Variants in PCDHGA1 observed in about 807,000 individuals in gnomAD.
PCDHGA1 encodes protocadherin gamma-A1.
PCDHGA1 carries 32 observed loss-of-function variants against 58.0 expected under a neutral mutation model. The ratio of observed to expected loss-of-function variants is 0.55; its 90% confidence interval spans 0.42 to 0.74. The LOEUF (loss-of-function observed/expected upper bound fraction) is 0.74, where lower values mean the gene tolerates loss of function less well. Among genes scored for constraint, PCDHGA1 ranks in the 30% least tolerant of loss-of-function variants. The pLI, the probability that PCDHGA1 is intolerant of heterozygous loss-of-function variation, is 0.00. For synonymous variants in PCDHGA1, 498 were observed against 501.1 expected (o/e 0.99, Z 0.08); for missense variants, 1,205 against 1,182.3 (o/e 1.02, Z -0.28).
intron 1 of PCDHGA1, chr5:141,422,081 T>C: frequency 2.5e-6 from 4 of 1,612,346 alleles, no homozygotes; most frequent in Non-Finnish European, 3.4e-6. Context: ...TTTCGGAACA[T>C]GGAAAGCAAG....
chr5:141,352,452 C>G, intron 1 of PCDHGA1: 1 of 1,614,056 alleles, frequency 6.2e-7, no homozygotes, highest in Non-Finnish European at 8.5e-7. Context: ...TGCTCCAAGT[C>G]TGGGCCCGGG....
At chr5:141,333,378 G>A in intron 1 of PCDHGA1, 1 of 545,016 alleles carries the variant, frequency 1.8e-6, no homozygotes. Flanking sequence ...AAAGAGCACT[G>A]CATTAGAAAC....
intron 1 of PCDHGA1, chr5:141,393,488 A>G: frequency 1.9e-6 from 3 of 1,614,066 alleles, no homozygotes; most frequent in Non-Finnish European, 2.5e-6. Context: ...GCTCTAGCAC[A>G]GTGCGCATCC....
At chr5:141,360,120 C>T in intron 1 of PCDHGA1, 1 of 1,578,378 alleles carries the variant, frequency 6.3e-7, no homozygotes, top group Non-Finnish European at 8.6e-7. Context: ...GGCAAAGGAG[C>T]AAAGGGAGCC....
Position 141,427,950 on chromosome 5 carries a change from A to C in PCDHGA1, c.2422-66857A>C, listed in dbSNP as rs773336611. The stretch of plus-strand genomic sequence containing the variant: ...CATGTTGGTGGGCGACCTCAATGAC[A>C]ATGTGCCGCGGGTGCTGTACCCCGC... On this transcript the variant is annotated intron_variant, in intron 1 of 3. Transcript: ENST00000517417. 7 of 1,586,816 alleles carry C rather than the reference A, an allele frequency of 4.4e-6. No individual in the cohort carries two copies. The African/African-American group carries it at 8.1e-5, about 18-fold the overall frequency.
At chr5:141,384,310 A>T in intron 1 of PCDHGA1, 2 of 1,613,676 alleles carry the variant, frequency 1.2e-6, no homozygotes, top group East Asian at 4.5e-5. Flanking sequence ...AGGGGCCTCC[A>T]TTTTCTTAGT....
chr5:141,374,666 G>T (rs1770705641), intron 1 of PCDHGA1: 3 of 1,611,404 alleles, frequency 1.9e-6, no homozygotes, highest in Non-Finnish European at 2.5e-6. Flanking sequence ...CCCGGAGCTG[G>T]TGCTGGAGGG....
chr5:141,442,818 C>A (rs553817796), intron 1 of PCDHGA1, among the ~76,000 whole-genome samples: 1 of 151,882 alleles, frequency 6.6e-6, no homozygotes, highest in Non-Finnish European at 1.5e-5. Context: ...TGTACTGATC[C>A]AAAAATAAGG....
chr5:141,374,386 G>A (rs933509212), intron 1 of PCDHGA1: 6 of 1,613,940 alleles, frequency 3.7e-6, no homozygotes, highest in Admixed American at 1.7e-5. Context: ...AGAGCCCGCG[G>A]TGTCTGGTGA....
chr5:141,344,619 C>A, intron 1 of PCDHGA1: 8 of 1,613,962 alleles, frequency 5.0e-6, no homozygotes, highest in Non-Finnish European at 6.8e-6. Context: ...AGAGCTGGTG[C>A]TGGAGCGGGC....
chr5:141,412,170 A>G (rs1015665615), intron 1 of PCDHGA1: 2 of 152,230 alleles, frequency 1.3e-5, no homozygotes, highest in Non-Finnish European at 1.5e-5. Context: ...GATTATTTAT[A>G]CTGGTATTAA....
chr5:141,383,995 A>G, intron 1 of PCDHGA1: 1 of 1,613,890 alleles, frequency 6.2e-7, no homozygotes, highest in East Asian at 2.2e-5. Context: ...TGGGACAGTC[A>G]TTGCTCTTTT....
chr5:141,420,147 C>T lies in PCDHGA1; in HGVS notation c.2422-74660C>T, dbSNP rs1480828845. On this transcript the variant is annotated intron_variant, in intron 1 of 3. Transcript: ENST00000517417. Reference sequence around the variant, plus strand: ...TGTGTGCCTGGGGATCAAATGAATCCAGAATTTAATTTTTTCACATCTGTT... The same window carrying T: ...TGTGTGCCTGGGGATCAAATGAATCTAGAATTTAATTTTTTCACATCTGTT... The T allele has an allele frequency of 2.5e-6, 4 of 1,613,848 alleles. No individual in the cohort carries two copies. The East Asian group carries it at 8.9e-5, about 36-fold the overall frequency.
At chr5:141,455,239 G>A (rs1034181635) in intron 1 of PCDHGA1, among the ~76,000 whole-genome samples, 1 of 151,898 alleles carries the variant, frequency 6.6e-6, no homozygotes, top group African/African-American at 2.4e-5. Context: ...AAATGTTAAA[G>A]GTCATAGTAC....
Position 141,487,650 on chromosome 5 carries a change from G to T in PCDHGA1, c.2422-7157G>T, listed in dbSNP as rs772715932. The T allele has an allele frequency of 6.8e-6, 11 of 1,613,876 alleles. No individual in the cohort carries two copies. Among genetic ancestry groups the T allele is most frequent in the Admixed American group, 1.7e-5 (1 of 59,978 alleles). On this transcript the variant is annotated intron_variant, in intron 1 of 3. Coordinates refer to ENST00000517417, the MANE Select transcript of PCDHGA1 (RefSeq NM_018912.3). This position sits in a 1 kb window ranked among gnomAD's most constrained non-coding sequence, Gnocchi z 5.0. ...TTGCAGGCTCAACAAATGCTTGAGG[G>T]TTATTCTGATCCAGGCATATGGCTA...
chr5:141,431,114 G>T lies in PCDHGA1; in HGVS notation c.2422-63693G>T. On this transcript the variant is annotated intron_variant, in intron 1 of 3. Coordinates refer to ENST00000517417, the MANE Select transcript of PCDHGA1 (RefSeq NM_018912.3). This position sits in a 1 kb window ranked among gnomAD's most constrained non-coding sequence, Gnocchi z 4.8. The stretch of plus-strand genomic sequence containing the variant: ...GGAGGATAAAGTGAAAATATATGGA[G>T]TAGAAGTAGAAGTAAGGGACATTAA... 6.2e-7 allele frequency: 1 copy of T among 1,614,158 alleles called. No individual in the cohort carries two copies.
At chr5:141,385,055 G>A (rs773905363) in intron 1 of PCDHGA1, 3 of 1,614,182 alleles carry the variant, frequency 1.9e-6, no homozygotes, top group South Asian at 1.1e-5. Context: ...CTGCGGCGCT[G>A]GCACAAGTCA....
intron 1 of PCDHGA1, chr5:141,417,966 C>T: frequency 6.2e-7 from 1 of 1,613,776 alleles, no homozygotes; most frequent in Non-Finnish European, 8.5e-7. Flanking sequence ...ATCCGCTACT[C>T]GATTCCGGAG....
intron 1 of PCDHGA1, chr5:141,404,571 C>T: frequency 6.2e-7 from 1 of 1,613,720 alleles, no homozygotes; most frequent in Non-Finnish European, 8.5e-7. Flanking sequence ...AGTGGAAGCC[C>T]ACCACTTAGC....
Sources: allele counts gnomAD v4.1 joint callset (sites outside exome capture counted in the v4.1 genomes callset), GRCh38; gene constraint gnomAD v4.1.1; non-coding constraint Gnocchi (gnomAD v3.1); transcripts MANE v1.5; gene names NCBI Gene and HGNC (gene_info 2026-07-23, HGNC 2026-07-21).